The following PCDH17 variants were observed in gnomAD, a reference collection of about 807,000 sequenced individuals.
PCDH17 encodes the protein protocadherin-17.
In PCDH17, 21 loss-of-function variants were observed where a neutral mutation model predicts 67.7. That is an observed-to-expected ratio of 0.31 (90% CI 0.22 to 0.45). PCDH17 has a LOEUF of 0.45. Ranked by LOEUF, PCDH17 falls within the 20% of genes least tolerant of loss-of-function variation. PCDH17 has a pLI of 1.00. For synonymous variants in PCDH17, 701 were observed against 656.7 expected, an observed-to-expected ratio of 1.07 and a Z score of -1.03; for missense variants, 1,471 against 1,564.8, an observed-to-expected ratio of 0.94 and a Z score of 1.01.
Position 57,725,285 on chromosome 13 carries a change from G to T in PCDH17, c.3471G>T (p.Val1157=). Residue 1157 remains valine, a synonymous_variant, in exon 4 of 4, where the codon GTG becomes GTT. Transcript: ENST00000377918. Reference sequence around the variant, plus strand: ...GCCGGGGAAACGACCCTGTGGCTGTGAGAAAGTGAAAAAAGAAAAAAAAAA... The same window carrying T: ...GCCGGGGAAACGACCCTGTGGCTGTTAGAAAGTGAAAAAAGAAAAAAAAAA... ...QDCRGNDPVA[V]RK is the part of the protein sequence containing the mutation. 1 of 1,555,718 alleles carries T rather than the reference G, an allele frequency of 6.4e-7. No individual in the cohort carries two copies. The highest frequency in any genetic ancestry group is 8.6e-7 in the Non-Finnish European group (1 of 1,158,710).
chr13:57,719,993 A>G (rs1955859465), intron 3 of PCDH17, among the ~76,000 whole-genome samples: 2 of 152,084 alleles, frequency 1.3e-5, no homozygotes, highest in African/African-American at 4.8e-5. Flanking sequence ...ACATTGTAAA[A>G]TTAAATTATA....
At chr13:57,695,709 G>T (rs1157181391) in intron 3 of PCDH17, among the ~76,000 whole-genome samples, 6 of 151,174 alleles carry the variant, frequency 4.0e-5, no homozygotes, top group South Asian at 2.1e-4. Context: ...GGACCAATGT[G>T]GTAGATTACA....
At chr13:57,651,846 T>C (rs564018455) in intron 1 of PCDH17, among the ~76,000 whole-genome samples, 2 of 152,188 alleles carry the variant, frequency 1.3e-5, no homozygotes, top group East Asian at 3.8e-4. Context: ...CATATTATTA[T>C]TGTTGTTAAA....
chr13:57,663,769 A>G (rs1479107871), intron 1 of PCDH17, among the ~76,000 whole-genome samples: 2 of 152,214 alleles, frequency 1.3e-5, no homozygotes, highest in African/African-American at 4.8e-5. Flanking sequence ...GTGAAATTCT[A>G]TAATTAGAAA....
In PCDH17 at chr13:57,634,233, T is replaced by C; in HGVS notation, c.1687T>C (p.Leu563=). Reference sequence around the variant, plus strand: ...TAAGGACTCGGGGGCGCCCGCGCACTTGGAGAGCAACGCCACGGTGAGGGT... The same window carrying C: ...TAAGGACTCGGGGGCGCCCGCGCACCTGGAGAGCAACGCCACGGTGAGGGT... ...LAKDSGAPAH[L]ESNATVRVTV... Residue 563 remains leucine (L), a synonymous_variant, in exon 1 of 4, where the codon TTG becomes CTG. Transcript: ENST00000377918. This position sits in a 1 kb window ranked among gnomAD's most constrained non-coding sequence, Gnocchi z 7.8. The C allele has an allele frequency of 4.3e-6, 7 of 1,613,260 alleles. No individual in the cohort carries two copies. Among genetic ancestry groups the C allele is most frequent in the Non-Finnish European group, 5.9e-6 (7 of 1,180,008 alleles).
At position 57,724,782 on chromosome 13, in the gene PCDH17, G is replaced by A; in HGVS notation, c.2968G>A (p.Val990Met). Residue 990 changes from valine to methionine, a missense_variant, in exon 4 of 4, where the codon GTG (valine) becomes ATG (methionine). This residue lies in a region of PCDH17 where 297 missense variants were observed against 298.6 expected (regional missense o/e 0.99). Transcript: ENST00000377918. ...ANVETETYET[V>M]NPTGKKTFCT... is the part of the protein sequence containing the mutation. ...TGTTGAGACTGAGACTTACGAAACT[G>A]TGAATCCCACTGGGAAAAAGACTTT... 6.2e-7 allele frequency: 1 copy of A among 1,614,174 alleles called. No homozygotes were observed. Among genetic ancestry groups the A allele is most frequent in the South Asian group, 1.1e-5 (1 of 91,090 alleles).
In PCDH17 at chr13:57,724,770, A is replaced by G. The variant is rs1955898933; in HGVS notation, c.2956A>G (p.Thr986Ala). Residue 986 changes from threonine (T) to alanine (A), a missense_variant, in exon 4 of 4, where the codon ACT becomes GCT. Physicochemically the swap from Thr to Ala is moderately conservative, Grantham distance 58. Coordinates refer to ENST00000377918, the MANE Select transcript of PCDH17 (RefSeq NM_001040429.3). ...PTVEANVETE[T>A]YETVNPTGKK... The stretch of plus-strand genomic sequence containing the variant: ...AGTTGAAGCTAATGTTGAGACTGAG[A>G]CTTACGAAACTGTGAATCCCACTGG... 1 of 1,614,072 alleles carries G rather than the reference A, an allele frequency of 6.2e-7. No homozygotes were observed. Among genetic ancestry groups the G allele is most frequent in the African/African-American group, 1.3e-5 (1 of 74,940 alleles).
rs1418277996 is a variant in PCDH17, at chr13:57,633,486, A to C, written c.940A>C (p.Asn314His). ...RVKGNLDYEE[N>H]GMLEIDVQAR... is the part of the protein sequence containing the mutation. Reference sequence around the variant, plus strand: ...GAAGGGCAATCTGGACTATGAGGAAAACGGGATGCTGGAGATTGACGTGCA... The same window carrying C: ...GAAGGGCAATCTGGACTATGAGGAACACGGGATGCTGGAGATTGACGTGCA... Residue 314 changes from asparagine to histidine, a missense_variant, in exon 1 of 4, where the codon AAC becomes CAC. Transcript: ENST00000377918. This position sits in a 1 kb window ranked among gnomAD's most constrained non-coding sequence, Gnocchi z 6.2. 1 of 1,613,904 alleles carries C rather than the reference A, an allele frequency of 6.2e-7. No homozygotes were observed. The highest frequency in any genetic ancestry group is 2.2e-5 in the East Asian group (1 of 44,862).
At chr13:57,720,079 C>T (rs1276552276) in intron 3 of PCDH17, among the ~76,000 whole-genome samples, 2 of 151,882 alleles carry the variant, frequency 1.3e-5, no homozygotes, top group Admixed American at 1.3e-4. Context: ...AGTATTTTTT[C>T]CTCACATAGA....
chr13:57,641,036 A>G (rs1009914076), intron 1 of PCDH17, among the ~76,000 whole-genome samples: 3 of 152,010 alleles, frequency 2.0e-5, no homozygotes, highest in Admixed American at 6.6e-5. Context: ...AATTCCTTCA[A>G]TCAATGACTG....
intron 3 of PCDH17, among the ~76,000 whole-genome samples, chr13:57,703,113 A>G (rs1196232656): frequency 6.6e-6 from 1 of 152,114 alleles, no homozygotes; most frequent in East Asian, 1.9e-4. Flanking sequence ...TTAATGACAC[A>G]TTGTTTTTTG....
At chr13:57,637,688 T>C (rs1954840498) in intron 1 of PCDH17, among the ~76,000 whole-genome samples, 2 of 152,004 alleles carry the variant, frequency 1.3e-5, no homozygotes, top group South Asian at 4.1e-4. Flanking sequence ...CTGTGTTCTG[T>C]TTGGAAGTAC....
intron 3 of PCDH17, among the ~76,000 whole-genome samples, chr13:57,671,158 A>T (rs756904492): frequency 9.9e-5 from 15 of 151,892 alleles, no homozygotes; most frequent in Non-Finnish European, 2.1e-4. Context: ...AGTAGGTAGG[A>T]AGGTAGATTA....
chr13:57,706,429 G>A (rs576819708), intron 3 of PCDH17, among the ~76,000 whole-genome samples: 5 of 151,986 alleles, frequency 3.3e-5, no homozygotes, highest in Non-Finnish European at 7.4e-5. Flanking sequence ...TGCTATGTAG[G>A]CATTTTATAT....
At chr13:57,717,709 T>C (rs1300458872) in intron 3 of PCDH17, among the ~76,000 whole-genome samples, 1 of 151,978 alleles carries the variant, frequency 6.6e-6, no homozygotes, top group East Asian at 1.9e-4. Context: ...GTTTGACTAT[T>C]TGATAGTATT....
chr13:57,644,323 A>G (rs1159563457), intron 1 of PCDH17, among the ~76,000 whole-genome samples: 1 of 151,690 alleles, frequency 6.6e-6, no homozygotes, highest in Non-Finnish European at 1.5e-5. Context: ...CAATACCAAC[A>G]AATGAAGCAC....
At chr13:57,696,099 G>A (rs1276658361) in intron 3 of PCDH17, among the ~76,000 whole-genome samples, 1 of 151,252 alleles carries the variant, frequency 6.6e-6, no homozygotes, top group Non-Finnish European at 1.5e-5. Context: ...CTGTAACTCT[G>A]TACATATGAT....
chr13:57,632,732 T>C lies in PCDH17; in HGVS notation c.186T>C (p.Gly62=), dbSNP rs991316678. The C allele has an allele frequency of 3.1e-6, 5 of 1,611,780 alleles. No homozygotes were observed. The highest frequency in any genetic ancestry group is 4.2e-6 in the Non-Finnish European group (5 of 1,179,914). ...GCGGCGGAGGGCGCAGCAAGTCGGGTAGCTACCGGGTGCTGGAGAACTCCG... is the reference window on the plus strand; with the variant it reads ...GCGGCGGAGGGCGCAGCAAGTCGGGCAGCTACCGGGTGCTGGAGAACTCCG... The part of the protein sequence containing the change: ...ERGGGGRSKS[G]SYRVLENSAP... The change falls in exon 1 of 4, where the codon GGT becomes GGC. Residue 62 remains glycine (G), a synonymous_variant. Transcript: ENST00000377918.
In PCDH17 at chr13:57,633,647, C is replaced by G; in HGVS notation, c.1101C>G (p.Pro367=). Residue 367 remains proline (P), a synonymous_variant, in exon 1 of 4, where the codon CCC becomes CCG. Coordinates refer to ENST00000377918, the MANE Select transcript of PCDH17 (RefSeq NM_001040429.3). This position sits in a 1 kb window ranked among gnomAD's most constrained non-coding sequence, Gnocchi z 6.2. ...GGGCGCTGAGCGAGGCCGCCCCTCC[C>G]GGCACCGTCATCGCCCTGGTGCGGG... ...RQGALSEAAP[P]GTVIALVRVT... 1 of 1,608,310 alleles carries G rather than the reference C, an allele frequency of 6.2e-7. No homozygotes were observed. Among genetic ancestry groups the G allele is most frequent in the Non-Finnish European group, 8.5e-7 (1 of 1,179,980 alleles).
Sources: allele counts gnomAD v4.1 joint callset (sites outside exome capture counted in the v4.1 genomes callset), GRCh38; gene constraint gnomAD v4.1.1; regional missense constraint gnomAD v4.1.1; non-coding constraint Gnocchi (gnomAD v3.1); transcripts MANE v1.5; gene names NCBI Gene and HGNC (gene_info 2026-07-23, HGNC 2026-07-21).